Variants in SNX24 observed in about 807,000 individuals in gnomAD.
SNX24 encodes the protein sorting nexin-24.
SNX24 carries 22 observed loss-of-function variants against 28.7 expected under a neutral mutation model. The ratio of observed to expected loss-of-function variants is 0.77; its 90% CI spans 0.55 to 1.10. The LOEUF is 1.10. SNX24 is among the 50% of genes least tolerant of loss of function. The probability of loss-of-function intolerance (pLI) is 0.00; values close to 1 mark genes in which losing one functional copy is unlikely to be tolerated. For synonymous variants in SNX24, 69 were observed against 71.5 expected (o/e 0.96, Z 0.18); for missense variants, 221 against 201.1 (o/e 1.10, Z -0.60).
At chr5:122,983,477 A>C (rs534124113) in intron 3 of SNX24, among the ~76,000 whole-genome samples, 9 of 152,294 alleles carry the variant, frequency 5.9e-5, no homozygotes, top group Admixed American at 5.9e-4. Flanking sequence ...TTTATCTCAA[A>C]ATCAACTCCA....
chr5:122,875,201 A>T (rs1018206528), intron 1 of SNX24, among the ~76,000 whole-genome samples: 6 of 152,208 alleles, frequency 3.9e-5, no homozygotes, highest in African/African-American at 1.4e-4. Flanking sequence ...AAGTTATTTT[A>T]TCCATGAACT....
chr5:122,889,729 A>ATATATATATGTGTATATATATGTATGTG (rs1554069824), intron 1 of SNX24, among the ~76,000 whole-genome samples: 903 of 14,606 alleles, frequency 0.062, 10 homozygotes, highest in African/African-American at 0.25. Context: ...ATGTATGTGT[A>ATATATATATGTGTATATATATGTATGTG]TATATATATA....
chr5:123,003,466 ATTATTC>A (rs66968952), intron 6 of SNX24, among the ~76,000 whole-genome samples: 11,752 of 152,250 alleles, frequency 0.077, 594 homozygotes, highest in Non-Finnish European at 0.12. Context: ...AGTTTTATAA[ATTATTC>A]TTATTATCTT....
chr5:122,908,627 T>A (rs1757749986), intron 1 of SNX24, among the ~76,000 whole-genome samples: 1 of 152,248 alleles, frequency 6.6e-6, no homozygotes, highest in Non-Finnish European at 1.5e-5. Flanking sequence ...ATGAAAATAT[T>A]GTATTTCTAC....
chr5:123,023,993 T>G, intron 5 of SNX24: 1 of 1,611,172 alleles, frequency 6.2e-7, no homozygotes, highest in East Asian at 2.2e-5. Flanking sequence ...CTCTATGGAG[T>G]GCACCACTGT....
chr5:122,983,329 G>A (rs76997930), intron 3 of SNX24, among the ~76,000 whole-genome samples: 1 of 151,590 alleles, frequency 6.6e-6, no homozygotes, highest in South Asian at 2.1e-4. Flanking sequence ...TAACTAAAAG[G>A]CACCTTATAA....
chr5:122,961,884 A>G (rs1760502550), intron 3 of SNX24, among the ~76,000 whole-genome samples: 1 of 152,234 alleles, frequency 6.6e-6, no homozygotes, highest in Non-Finnish European at 1.5e-5. Flanking sequence ...TTAGCAGACA[A>G]GTTTGTCATC....
At chr5:122,931,200 T>A (rs1346002794) in intron 1 of SNX24, among the ~76,000 whole-genome samples, 1 of 152,210 alleles carries the variant, frequency 6.6e-6, no homozygotes, top group African/African-American at 2.4e-5. Flanking sequence ...TAGTAATTTC[T>A]CTTGCTTTAT....
At chr5:122,852,037 G>A (rs1019610870) in intron 1 of SNX24, among the ~76,000 whole-genome samples, 4 of 151,490 alleles carry the variant, frequency 2.6e-5, no homozygotes, top group Admixed American at 6.6e-5. Context: ...ACAGTGATTT[G>A]TGTGCATTTT....
chr5:122,961,614 C>G (rs528379640), intron 3 of SNX24, among the ~76,000 whole-genome samples: 1 of 152,302 alleles, frequency 6.6e-6, no homozygotes, highest in African/African-American at 2.4e-5. Context: ...ATTATTTTTA[C>G]TGATTTTATC....
chr5:123,022,532 A>G (rs1181273694), intron 5 of SNX24: 1 of 151,262 alleles, frequency 6.6e-6, no homozygotes, highest in African/African-American at 2.4e-5. Context: ...TGCAGTGGCA[A>G]TTCACAGGCA....
chr5:122,964,364 G>A, intron 3 of SNX24, among the ~76,000 whole-genome samples: 1 of 152,034 alleles, frequency 6.6e-6, no homozygotes, highest in East Asian at 1.9e-4. Flanking sequence ...GCTGAGGATG[G>A]GGTGCTACTA....
intron 5 of SNX24, among the ~76,000 whole-genome samples, chr5:123,016,493 A>G (rs1450579809): frequency 1.3e-5 from 2 of 152,322 alleles, no homozygotes; most frequent in South Asian, 2.1e-4. Context: ...AGGGTAATGT[A>G]TATAATGGCT....
intron 1 of SNX24, among the ~76,000 whole-genome samples, chr5:122,932,301 G>C (rs968041732): frequency 6.6e-6 from 1 of 152,092 alleles, no homozygotes; most frequent in Non-Finnish European, 1.5e-5. Flanking sequence ...GGGGATTTCT[G>C]GAAAACTCTG....
chr5:122,925,021 T>C (rs1758620423), intron 1 of SNX24, among the ~76,000 whole-genome samples: 1 of 133,040 alleles, frequency 7.5e-6, no homozygotes. Context: ...CCCCTCCCCT[T>C]CTCCTTCTCT....
At chr5:122,890,673 G>A (rs561038096) in intron 1 of SNX24, among the ~76,000 whole-genome samples, 1 of 152,008 alleles carries the variant, frequency 6.6e-6, no homozygotes, top group Non-Finnish European at 1.5e-5. Context: ...GTTTCACCCT[G>A]TTGGCCAGGC....
intron 1 of SNX24, among the ~76,000 whole-genome samples, chr5:122,930,314 T>G (rs548989730): frequency 8.4e-4 from 128 of 152,234 alleles, no homozygotes; most frequent in Non-Finnish European, 1.6e-3. Flanking sequence ...GGTTATTTGT[T>G]TTTTGAGTTT....
intron 1 of SNX24, among the ~76,000 whole-genome samples, chr5:122,860,594 A>AT (rs1001639432): frequency 4.6e-5 from 7 of 152,018 alleles, no homozygotes; most frequent in African/African-American, 1.2e-4. Flanking sequence ...GAGTGAAATA[A>AT]TTTTTTTATT....
Position 122,912,513 on chromosome 5 carries a change from T to A in SNX24, c.61-24221T>A, listed in dbSNP as rs528542591. Among the ~76,000 whole-genome samples the A allele has an allele frequency of 1.1e-4, 16 of 152,244 alleles. No homozygotes were observed. The South Asian group carries it at 3.3e-3, about 32-fold the overall frequency. On this transcript the variant is annotated intron_variant, in intron 1 of 6. Coordinates refer to ENST00000261369, the MANE Select transcript of SNX24 (RefSeq NM_014035.4). The stretch of plus-strand genomic sequence containing the variant: ...CCAGAACTTCCAACACTATGTTGAA[T>A]AGGAGTGGTGAGAGAGGGCATCCTG...
Sources: allele counts gnomAD v4.1 joint callset (sites outside exome capture counted in the v4.1 genomes callset), GRCh38; gene constraint gnomAD v4.1.1; transcripts MANE v1.5; gene names NCBI Gene and HGNC (gene_info 2026-07-23, HGNC 2026-07-21).